The following DIS3L2 variants were observed in gnomAD, a reference collection of about 807,000 sequenced individuals.
DIS3L2 encodes the protein DIS3 like 3'-5' exoribonuclease 2, also known as DIS3-like exonuclease 2.
DIS3L2 carries 34 observed loss-of-function variants against 97.5 expected under a neutral mutation model. The observed-to-expected ratio is 0.35, with a 90% CI of 0.27 to 0.46. The LOEUF (loss-of-function observed/expected upper bound fraction) is 0.46, where lower values mean the gene tolerates loss of function less well. Among genes scored for constraint, DIS3L2 ranks in the 20% least tolerant of loss-of-function variants. The pLI is 1.00. For missense variants in DIS3L2, 1,038 were observed against 1,146.0 expected (o/e 0.91, Z 1.36); for synonymous variants, 435 against 445.2 (o/e 0.98, Z 0.29).
At chr2:231,993,454 T>A (rs569528795) in intron 1 of DIS3L2, among the ~76,000 whole-genome samples, 1 of 152,012 alleles carries the variant, frequency 6.6e-6, no homozygotes, top group Admixed American at 6.6e-5. Flanking sequence ...CCTGAGGTGA[T>A]CCACCTGCCT....
intron 13 of DIS3L2, among the ~76,000 whole-genome samples, chr2:232,298,150 A>G (rs1694766347): frequency 6.6e-6 from 1 of 152,342 alleles, no homozygotes; most frequent in African/African-American, 2.4e-5. Context: ...ACTACCTGCT[A>G]TTCCATGTGT....
At chr2:232,206,297 T>C (rs1179435198) in intron 9 of DIS3L2, among the ~76,000 whole-genome samples, 1 of 152,198 alleles carries the variant, frequency 6.6e-6, no homozygotes, top group Non-Finnish European at 1.5e-5. Context: ...TTTAAAAAAA[T>C]TAAAACACTT....
At chr2:232,204,790 G>T (rs1052880471) in intron 9 of DIS3L2, among the ~76,000 whole-genome samples, 1 of 152,112 alleles carries the variant, frequency 6.6e-6, no homozygotes. Context: ...CAACCCCACC[G>T]CACGGGGCTG....
chr2:232,120,738 C>A (rs1439443962), intron 6 of DIS3L2, among the ~76,000 whole-genome samples: 3 of 152,122 alleles, frequency 2.0e-5, no homozygotes, highest in Non-Finnish European at 2.9e-5. Context: ...AAAGCTGACC[C>A]CTTTGTGATC....
chr2:231,974,130 T>G lies in DIS3L2; in HGVS notation c.-94+12365T>G, dbSNP rs557676536. Among the ~76,000 whole-genome samples, 16 of 152,270 alleles carry G rather than the reference T, an allele frequency of 1.1e-4. No homozygotes were observed. In the South Asian group the frequency reaches 3.1e-3, roughly 30 times the overall value. On this transcript the variant is annotated intron_variant, in intron 1 of 20. Transcript: ENST00000325385. ...ATCTCAAGAATATCTTCCTTTGAAG[T>G]CTGTGAGGGTGGATTTCAGCCACCA...
rs36151054 is a variant in DIS3L2 at position 231,966,641 on chromosome 2, A to ATTTTTTTTT, written c.-94+4902_-94+4910dup. 5.0e-3 allele frequency among the ~76,000 whole-genome samples: 254 copies of ATTTTTTTTT among 50,418 alleles called. 12 individuals carry two copies. The highest frequency in any genetic ancestry group is 5.3e-3 in the African/African-American group (76 of 14,246). 33.1% of individuals were successfully genotyped at this position (50,418 alleles called of 152,430 possible). A position where few individuals can be genotyped will look rare whatever the true frequency, so the allele number is the denominator to read the frequency against. ...CACCATGCCCAGCTAGTTAAAAAAC[A>ATTTTTTTTT]TTTTTTTTTTTTTTTTTTTTTTTTT... On this transcript the variant is annotated intron_variant, in intron 1 of 20. Transcript: ENST00000325385.
chr2:232,066,548 T>G (rs939564437), intron 5 of DIS3L2, among the ~76,000 whole-genome samples: 1 of 152,040 alleles, frequency 6.6e-6, no homozygotes, highest in Non-Finnish European at 1.5e-5. Context: ...ATTATGTCTT[T>G]GGTTTTGGTA....
chr2:232,012,253 C>A (rs1559540010), intron 1 of DIS3L2, among the ~76,000 whole-genome samples: 1 of 152,128 alleles, frequency 6.6e-6, no homozygotes, highest in Non-Finnish European at 1.5e-5. Flanking sequence ...GTGGGAGCTG[C>A]CAGAGTTACA....
At chr2:232,310,312 G>A (rs568097439) in intron 14 of DIS3L2, among the ~76,000 whole-genome samples, 2 of 152,352 alleles carry the variant, frequency 1.3e-5, no homozygotes, top group African/African-American at 4.8e-5. Context: ...ATGGGTGCAA[G>A]CCTGCAGCTG....
At chr2:232,013,735 G>C (rs1694276476) in intron 1 of DIS3L2, among the ~76,000 whole-genome samples, 1 of 152,180 alleles carries the variant, frequency 6.6e-6, no homozygotes, top group Non-Finnish European at 1.5e-5. Flanking sequence ...TAAGCCCTCA[G>C]ACAGTCTTGA....
chr2:232,286,623 T>G (rs1694442370), intron 13 of DIS3L2, among the ~76,000 whole-genome samples: 1 of 152,176 alleles, frequency 6.6e-6, no homozygotes, highest in South Asian at 2.1e-4. Context: ...AGAACATCAT[T>G]GAGTTTCCGC....
At chr2:232,329,792 C>CA in intron 14 of DIS3L2, 21 bp from the exon 15 acceptor site, 2 of 353,686 alleles carry the variant, frequency 5.7e-6, no homozygotes, top group Non-Finnish European at 5.3e-6. Flanking sequence ...CGGTCCCTCC[C>CA]ATCCCACCCA....
chr2:232,029,011 T>G (rs1174173411), intron 4 of DIS3L2, among the ~76,000 whole-genome samples: 1 of 152,162 alleles, frequency 6.6e-6, no homozygotes, highest in Non-Finnish European at 1.5e-5. Context: ...TTTTTTGATT[T>G]GGTGATTTTG....
intron 13 of DIS3L2, among the ~76,000 whole-genome samples, chr2:232,298,276 G>A (rs4462775): frequency 0.11 from 16,059 of 152,146 alleles, 1,533 homozygotes; most frequent in East Asian, 0.45. Flanking sequence ...CATTTCTGAT[G>A]ATTTTTCTAA....
intron 7 of DIS3L2, among the ~76,000 whole-genome samples, chr2:232,135,082 G>A (rs1389795197): frequency 6.6e-6 from 1 of 152,152 alleles, no homozygotes; most frequent in Admixed American, 6.5e-5. Flanking sequence ...AGTTCCAGAT[G>A]ATGCTGAGGT....
intron 9 of DIS3L2, among the ~76,000 whole-genome samples, chr2:232,166,329 C>T: frequency 6.6e-6 from 1 of 151,710 alleles, no homozygotes; most frequent in East Asian, 1.9e-4. Flanking sequence ...ACACACACCA[C>T]ACACACACAC....
rs574206352 is a variant in DIS3L2, at chr2:232,202,352, T to C, written c.1125-7974T>C. ...GGCGGAGGTTGCAGTGAGCAGAGATTGCGCCACTGCACTCCAGCCTGGCGA... is the reference window on the plus strand; with the variant it reads ...GGCGGAGGTTGCAGTGAGCAGAGATCGCGCCACTGCACTCCAGCCTGGCGA... On this transcript the variant is annotated intron_variant, in intron 9 of 20. Coordinates refer to ENST00000325385, the MANE Select transcript of DIS3L2 (RefSeq NM_152383.5). 3.3e-5 allele frequency among the ~76,000 whole-genome samples: 5 copies of C among 152,166 alleles called. No individual in the cohort carries two copies. In the South Asian group the frequency reaches 1.0e-3, roughly 32 times the overall value.
chr2:231,999,567 G>T lies in DIS3L2; in HGVS notation c.-93-15268G>T, dbSNP rs564442463. ...TTTTTCTCCAACATTGACAAACTTG[G>T]CTCGTTATCCACAAGTATTTACTTA... On this transcript the variant is annotated intron_variant, in intron 1 of 20. Transcript: ENST00000325385. 3.9e-5 allele frequency among the ~76,000 whole-genome samples: 6 copies of T among 151,944 alleles called. No individual in the cohort carries two copies. In the South Asian group the frequency reaches 1.2e-3, roughly 32 times the overall value.
At chr2:232,142,816 C>T (rs949141006) in intron 8 of DIS3L2, among the ~76,000 whole-genome samples, 1 of 152,096 alleles carries the variant, frequency 6.6e-6, no homozygotes, top group African/African-American at 2.4e-5. Flanking sequence ...TGCCACACTT[C>T]GTTTTTACTT....
Sources: allele counts gnomAD v4.1 joint callset (sites outside exome capture counted in the v4.1 genomes callset), GRCh38; gene constraint gnomAD v4.1.1; transcripts MANE v1.5; gene names NCBI Gene and HGNC (gene_info 2026-07-23, HGNC 2026-07-21).